KIRREL3: variants seen among roughly 807,000 people sequenced by gnomAD.
KIRREL3 encodes the protein kin of IRRE-like protein 3.
Under a neutral mutation model 89.7 loss-of-function variants are expected in KIRREL3, and 36 were observed. The observed-to-expected ratio is 0.40, with a 90% CI of 0.31 to 0.53. The LOEUF (loss-of-function observed/expected upper bound fraction) is 0.53, where lower values mean the gene tolerates loss of function less well. Among genes scored for constraint, KIRREL3 ranks in the 20% least tolerant of loss-of-function variants. The pLI is 0.49. For missense variants in KIRREL3, 864 were observed against 1,056.6 expected (o/e 0.82, Z 2.53); for synonymous variants, 445 against 441.4 (o/e 1.01, Z -0.10).
chr11:126,617,352 T>G (rs1565595764), intron 1 of KIRREL3, among the ~76,000 whole-genome samples: 1 of 152,210 alleles, frequency 6.6e-6, no homozygotes, highest in South Asian at 2.1e-4. Flanking sequence ...TGGGAATCAC[T>G]AGATTCACTG....
Position 126,609,924 on chromosome 11 carries a change from G to A in KIRREL3, c.56-47012C>T, listed in dbSNP as rs1943052853. Among the ~76,000 whole-genome samples, 1 of 152,186 alleles carries A rather than the reference G, an allele frequency of 6.6e-6. No homozygotes were observed. Among genetic ancestry groups the A allele is most frequent in the African/African-American group, 2.4e-5 (1 of 41,426 alleles). On this transcript the variant is annotated intron_variant, in intron 1 of 16. Transcript: ENST00000525144. This position sits in a 1 kb window ranked among gnomAD's most constrained non-coding sequence, Gnocchi z 5.0. ...ACCGAGATAAGAATTTTATGTGGAT[G>A]ACTTCAACGAATCCTCAGAACAACC...
Position 126,537,140 on chromosome 11 carries a change from G to C in KIRREL3, c.134-10453C>G, listed in dbSNP as rs1937961487. Among the ~76,000 whole-genome samples the C allele has an allele frequency of 1.3e-5, 2 of 152,134 alleles. No individual in the cohort carries two copies. The highest frequency in any genetic ancestry group is 1.5e-5 in the Non-Finnish European group (1 of 68,046). ...CAGTCAGACCTGGACAGGAAGTGAG[G>C]GTCACTAATATAAGGATGGAAATGC... On this transcript the variant is annotated intron_variant, in intron 2 of 16. Transcript: ENST00000525144. This position sits in a 1 kb window ranked among gnomAD's most constrained non-coding sequence, Gnocchi z 4.3.
intron 5 of KIRREL3, among the ~76,000 whole-genome samples, chr11:126,464,973 G>T (rs1956673824): frequency 6.6e-6 from 1 of 152,142 alleles, no homozygotes; most frequent in Non-Finnish European, 1.5e-5. Flanking sequence ...GTTCCCCATT[G>T]TGGCTGCTAC....
rs765972583 is a variant in KIRREL3, at chr11:126,995,399, G to A, written c.55+5056C>T. The A allele has an allele frequency of 2.2e-4, 99 of 452,590 alleles. No individual in the cohort carries two copies. Among genetic ancestry groups the A allele is most frequent in the Non-Finnish European group, 4.2e-4 (95 of 224,318 alleles). 28.0% of individuals were successfully genotyped at this position (452,590 alleles called of 1,614,324 possible). On this transcript the variant is annotated intron_variant, in intron 1 of 16. Transcript: ENST00000525144. The surrounding 1 kb of genome is among the most constrained non-coding windows in gnomAD (Gnocchi z 6.5). ...AGAACACCCCTCTTCCCAGGCACAG[G>A]ACGAGTTCAGTGCCTCTCTGTTTCT...
chr11:126,810,667 G>A (rs1026031231), intron 1 of KIRREL3, among the ~76,000 whole-genome samples: 26 of 152,188 alleles, frequency 1.7e-4, no homozygotes, highest in African/African-American at 6.3e-4. Flanking sequence ...CTTGCAGCCA[G>A]AGGTCTTTAC....
chr11:126,528,633 T>A lies in KIRREL3; in HGVS notation c.134-1946A>T, dbSNP rs1358688516. On this transcript the variant is annotated intron_variant, in intron 2 of 16. Coordinates refer to ENST00000525144, the MANE Select transcript of KIRREL3 (RefSeq NM_032531.4). The surrounding 1 kb of genome is among the most constrained non-coding windows in gnomAD (Gnocchi z 4.6). ...GGACATTTTAATCAGCTATGTATGG[T>A]AGGTTTTTTTTTTCCTCTCTGTCTC... Among the ~76,000 whole-genome samples the A allele has an allele frequency of 6.6e-6, 1 of 151,928 alleles. No homozygotes were observed. Among genetic ancestry groups the A allele is most frequent in the East Asian group, 1.9e-4 (1 of 5,178 alleles).
rs117162344 is a variant in KIRREL3 at position 126,547,730 on chromosome 11, G to A, written c.133+15105C>T. 1.2e-4 allele frequency among the ~76,000 whole-genome samples: 18 copies of A among 152,340 alleles called. No individual in the cohort carries two copies. The East Asian group carries it at 3.3e-3, about 28-fold the overall frequency. On this transcript the variant is annotated intron_variant, in intron 2 of 16. Coordinates refer to ENST00000525144, the MANE Select transcript of KIRREL3 (RefSeq NM_032531.4). ...GGTCTGTGGTCAGTGAATGGTGGGAGATTTGGGGACGGCAGTCCTTGGCCA... is the reference window on the plus strand; with the variant it reads ...GGTCTGTGGTCAGTGAATGGTGGGAAATTTGGGGACGGCAGTCCTTGGCCA...
intron 1 of KIRREL3, among the ~76,000 whole-genome samples, chr11:126,691,677 G>A (rs909185891): frequency 1.3e-5 from 2 of 152,132 alleles, no homozygotes; most frequent in Non-Finnish European, 2.9e-5. Flanking sequence ...CATAAGATTC[G>A]AGAAAGTGCT....
intron 1 of KIRREL3, among the ~76,000 whole-genome samples, chr11:126,757,554 A>G (rs1163823647): frequency 6.6e-6 from 1 of 152,110 alleles, no homozygotes; most frequent in Non-Finnish European, 1.5e-5. Context: ...AGGGCTTGAG[A>G]CCTACAGGAT....
chr11:126,762,710 T>G (rs1353634271), intron 1 of KIRREL3, among the ~76,000 whole-genome samples: 2 of 152,182 alleles, frequency 1.3e-5, no homozygotes, highest in Non-Finnish European at 2.9e-5. Flanking sequence ...TTTTCTGGTT[T>G]CAATGTTGTT....
chr11:126,863,400 T>C (rs866830021), intron 1 of KIRREL3, among the ~76,000 whole-genome samples: 8 of 45,506 alleles, frequency 1.8e-4, no homozygotes, highest in African/African-American at 6.4e-4. Flanking sequence ...CGTGTGTGAG[T>C]GCGTGAGTGC....
In KIRREL3 at chr11:126,463,443, G is replaced by A; in HGVS notation, c.592-136C>T. 1 of 865,870 alleles carries A rather than the reference G, an allele frequency of 1.2e-6. No homozygotes were observed. Among genetic ancestry groups the A allele is most frequent in the Non-Finnish European group, 1.7e-6 (1 of 572,468 alleles). 53.6% of individuals were successfully genotyped at this position (865,870 alleles called of 1,614,324 possible). On this transcript the variant is annotated intron_variant, in intron 5 of 16. Transcript: ENST00000525144. This position sits in a 1 kb window ranked among gnomAD's most constrained non-coding sequence, Gnocchi z 5.9. The stretch of plus-strand genomic sequence containing the variant: ...GGAGGGGTTCAGCTTAGGAGACCTG[G>A]GCTGCCCATGTCTACGCAGAGCTCG...
chr11:126,962,074 A>G (rs111832664), intron 1 of KIRREL3, among the ~76,000 whole-genome samples: 21 of 152,234 alleles, frequency 1.4e-4, no homozygotes, highest in Admixed American at 2.6e-4. Context: ...TGATGGAGAT[A>G]TGCAAGATTA....
chr11:126,487,831 A>G (rs1266753875), intron 4 of KIRREL3, among the ~76,000 whole-genome samples: 1 of 152,128 alleles, frequency 6.6e-6, no homozygotes, highest in Non-Finnish European at 1.5e-5. Context: ...GCCACAGACA[A>G]CTCCAGAGTG....
Position 126,607,798 on chromosome 11 carries a change from C to T in KIRREL3, c.56-44886G>A, listed in dbSNP as rs755094961. 5.7e-4 allele frequency among the ~76,000 whole-genome samples: 86 copies of T among 152,150 alleles called. No homozygotes were observed. Among genetic ancestry groups the T allele is most frequent in the Non-Finnish European group, 1.1e-3 (73 of 68,030 alleles). ...TGAAGGGCCGAGTTGCTTAGCCCTGCAGGGTACACAGATGAATAGGGAGCG... is the reference window on the plus strand; with the variant it reads ...TGAAGGGCCGAGTTGCTTAGCCCTGTAGGGTACACAGATGAATAGGGAGCG... On this transcript the variant is annotated intron_variant, in intron 1 of 16. Coordinates refer to ENST00000525144, the MANE Select transcript of KIRREL3 (RefSeq NM_032531.4). The surrounding 1 kb of genome is among the most constrained non-coding windows in gnomAD (Gnocchi z 6.6).
At position 126,645,222 on chromosome 11, in the gene KIRREL3, C is replaced by T. The variant is rs2134947869; in HGVS notation, c.56-82310G>A. 6.6e-6 allele frequency among the ~76,000 whole-genome samples: 1 copy of T among 152,284 alleles called. No homozygotes were observed. The highest frequency in any genetic ancestry group is 3.4e-3 in the Middle Eastern group (1 of 294). On this transcript the variant is annotated intron_variant, in intron 1 of 16. Transcript: ENST00000525144. The surrounding 1 kb of genome is among the most constrained non-coding windows in gnomAD (Gnocchi z 4.9). ...GACTGACATCGTAACAATTCAAATG[C>T]TAATGAAATATTCTCAACTTGAGTT...
rs1942867574 is a variant in KIRREL3 at position 126,605,861 on chromosome 11, T to C, written c.56-42949A>G. 6.6e-6 allele frequency among the ~76,000 whole-genome samples: 1 copy of C among 152,178 alleles called. No individual in the cohort carries two copies. The highest frequency in any genetic ancestry group is 2.4e-5 in the African/African-American group (1 of 41,434). On this transcript the variant is annotated intron_variant, in intron 1 of 16. Transcript: ENST00000525144. This position sits in a 1 kb window ranked among gnomAD's most constrained non-coding sequence, Gnocchi z 5.7. ...GGGAGTCCTCTCATTGCATCTTTCC[T>C]CTGGGATCAAATTAGAGGCACAAAG...
rs1438458349 is a variant in KIRREL3, at chr11:126,704,913, C to T, written c.56-142001G>A. Among the ~76,000 whole-genome samples the T allele has an allele frequency of 6.6e-6, 1 of 152,180 alleles. No individual in the cohort carries two copies. Among genetic ancestry groups the T allele is most frequent in the African/African-American group, 2.4e-5 (1 of 41,454 alleles). ...CCATGCCATGGGATGAAAGCCTCTGCCCTGTATGTCTGGCCACCTTGCTAA... is the reference window on the plus strand; with the variant it reads ...CCATGCCATGGGATGAAAGCCTCTGTCCTGTATGTCTGGCCACCTTGCTAA... On this transcript the variant is annotated intron_variant, in intron 1 of 16. Transcript: ENST00000525144. The surrounding 1 kb of genome is among the most constrained non-coding windows in gnomAD (Gnocchi z 4.2).
Position 126,683,262 on chromosome 11 carries a change from C to T in KIRREL3, c.56-120350G>A, listed in dbSNP as rs1946537894. ...AGAATAGTTTTGGGAGTTCTGGGAG[C>T]TACTTCCAAGGGCATGAACCAAATC... On this transcript the variant is annotated intron_variant, in intron 1 of 16. Coordinates refer to ENST00000525144, the MANE Select transcript of KIRREL3 (RefSeq NM_032531.4). The surrounding 1 kb of genome is among the most constrained non-coding windows in gnomAD (Gnocchi z 5.2). Among the ~76,000 whole-genome samples, 1 of 152,154 alleles carries T rather than the reference C, an allele frequency of 6.6e-6. No homozygotes were observed. The highest frequency in any genetic ancestry group is 2.4e-5 in the African/African-American group (1 of 41,426).
Sources: gnomAD v4.1 joint callset for allele counts (sites outside exome capture counted in the v4.1 genomes callset) on GRCh38, gnomAD v4.1.1 for gene constraint, Gnocchi (gnomAD v3.1) non-coding constraint, MANE v1.5 for transcripts, NCBI Gene and HGNC (gene_info 2026-07-23, HGNC 2026-07-21) for gene names.